The following TIMP2 variants were observed in gnomAD, a reference collection of about 807,000 sequenced individuals.
TIMP2 encodes the protein metalloproteinase inhibitor 2.
In TIMP2, 5 loss-of-function variants were observed where a neutral mutation model predicts 24.3. The ratio of observed to expected loss-of-function variants is 0.21; its 90% CI spans 0.11 to 0.43. The LOEUF (loss-of-function observed/expected upper bound fraction) is 0.43. TIMP2 is among the 20% of genes least tolerant of loss of function. TIMP2 has a pLI of 1.00. For synonymous variants in TIMP2, 130 were observed against 123.2 expected (o/e 1.06, Z -0.37); for missense variants, 221 against 297.5 (o/e 0.74, Z 1.89).
At chr17:78,892,040 G>C (rs1435372078) in intron 1 of TIMP2, 6 of 1,550,694 alleles carry the variant, frequency 3.9e-6, no homozygotes, top group Non-Finnish European at 2.6e-6. Context: ...TCGCTGGATG[G>C]GCCCCTGCGA....
chr17:78,866,936 A>T (rs558722531), intron 3 of TIMP2, among the ~76,000 whole-genome samples: 2 of 152,184 alleles, frequency 1.3e-5, no homozygotes, highest in East Asian at 3.9e-4. Flanking sequence ...GACTGTAGTG[A>T]TGGTTGCAGA....
At chr17:78,884,918 G>A (rs542188160) in intron 1 of TIMP2, among the ~76,000 whole-genome samples, 19 of 152,340 alleles carry the variant, frequency 1.2e-4, no homozygotes, top group Admixed American at 3.3e-4. Flanking sequence ...AGATTTGTGC[G>A]GAGAGAAGAT....
intron 1 of TIMP2, among the ~76,000 whole-genome samples, chr17:78,911,907 A>C (rs1365224279): frequency 5.4e-5 from 8 of 149,270 alleles, no homozygotes; most frequent in South Asian, 2.1e-4. Flanking sequence ...AAAAAAAAAA[A>C]AAAAAATTGA....
At chr17:78,856,961 C>T (rs1229552709) in intron 4 of TIMP2, 1 of 152,726 alleles carries the variant, frequency 6.5e-6, no homozygotes, top group African/African-American at 2.4e-5. Context: ...CATGCTCTTA[C>T]TCTCAAATCT....
chr17:78,906,218 A>C (rs188676428), intron 1 of TIMP2, among the ~76,000 whole-genome samples: 16 of 152,212 alleles, frequency 1.1e-4, no homozygotes, highest in Admixed American at 1.0e-3. Flanking sequence ...AAAAACTAAA[A>C]ATAGCCAGGC....
At chr17:78,905,042 A>C (rs2070145632) in intron 1 of TIMP2, 1 of 152,234 alleles carries the variant, frequency 6.6e-6, no homozygotes, top group Non-Finnish European at 1.5e-5. Context: ...CAGGAGGCTA[A>C]GGCAGGAGAA....
At chr17:78,888,451 C>A (rs538848285) in intron 1 of TIMP2, among the ~76,000 whole-genome samples, 2 of 151,224 alleles carry the variant, frequency 1.3e-5, no homozygotes, top group Non-Finnish European at 2.9e-5. Context: ...TGAGCCACCG[C>A]GTCCAGTATC....
chr17:78,891,674 C>T lies in TIMP2; in HGVS notation c.131-17755G>A, dbSNP rs767007657. 6.4e-7 allele frequency: 1 copy of T among 1,550,998 alleles called. No homozygotes were observed. Among genetic ancestry groups the T allele is most frequent in the African/African-American group, 1.4e-5 (1 of 73,038 alleles). On this transcript the variant is annotated intron_variant, in intron 1 of 4. Coordinates refer to ENST00000262768, the MANE Select transcript of TIMP2 (RefSeq NM_003255.5). This position sits in a 1 kb window ranked among gnomAD's most constrained non-coding sequence, Gnocchi z 4.5. ...TGCCCCCTTTCCCAGTTGCCTCCTC[C>T]CCGCCCGAGCTGTTCCTTTCTCTTT...
rs574535864 is a variant in TIMP2 at position 78,879,042 on chromosome 17, G to T, written c.131-5123C>A. ...ATCGGTGCACACCAGTTGGCATAGC[G>T]GGATCTGCACCGCTGACCTGCTCAG... On this transcript the variant is annotated intron_variant, in intron 1 of 4. Transcript: ENST00000262768. Among the ~76,000 whole-genome samples the T allele has an allele frequency of 3.9e-5, 6 of 152,324 alleles. No individual in the cohort carries two copies. In the East Asian group the frequency reaches 1.2e-3, roughly 29 times the overall value.
At chr17:78,923,412 A>AGGGGGGGGGGGGGGGGGGGG (rs2070324055) in intron 1 of TIMP2, among the ~76,000 whole-genome samples, 1 of 9,840 alleles carries the variant, frequency 1.0e-4, no homozygotes, top group Non-Finnish European at 2.1e-4. Context: ...GGGGGGCGGG[A>AGGGGGGGGGGGGGGGGGGGG]GGGGGAGGGG....
chr17:78,885,330 T>G (rs2069816208), intron 1 of TIMP2, among the ~76,000 whole-genome samples: 1 of 152,150 alleles, frequency 6.6e-6, no homozygotes, highest in Admixed American at 6.5e-5. Flanking sequence ...AGGTGCAAAG[T>G]GTTCGGAGCA....
intron 1 of TIMP2, among the ~76,000 whole-genome samples, chr17:78,874,754 T>C (rs2069715134): frequency 6.6e-6 from 1 of 151,516 alleles, no homozygotes. Context: ...ATTTTTTTTT[T>C]TTTTCAGACG....
At chr17:78,902,702 G>T (rs767533241) in intron 1 of TIMP2, 6 of 152,262 alleles carry the variant, frequency 3.9e-5, no homozygotes, top group Non-Finnish European at 7.3e-5. Flanking sequence ...AGCTCCCCAC[G>T]TGGGGGGCTT....
chr17:78,861,496 T>A (rs2069566848), intron 3 of TIMP2, among the ~76,000 whole-genome samples: 2 of 152,258 alleles, frequency 1.3e-5, no homozygotes, highest in Non-Finnish European at 2.9e-5. Flanking sequence ...ATGCTTCACA[T>A]TCTGCCTTTT....
intron 1 of TIMP2, chr17:78,897,086 A>T (rs2070013519): frequency 1.3e-6 from 1 of 742,872 alleles, no homozygotes; most frequent in African/African-American, 2.3e-5. Context: ...GCCAGGGCCC[A>T]CAGACAGCAC....
At position 78,865,965 on chromosome 17, in the gene TIMP2, A is replaced by G. The variant is rs116996162; in HGVS notation, c.340+4933T>C. 1.9e-3 allele frequency among the ~76,000 whole-genome samples: 294 copies of G among 152,218 alleles called. 3 individuals are homozygous for G. In the East Asian group the frequency reaches 0.039, roughly 20 times the overall value. On this transcript the variant is annotated intron_variant, in intron 3 of 4. Transcript: ENST00000262768. ...GGCAGTGTGACGAAACTGAGCTGGGACGGCTGGGACTTACTTTAAAGGCTG... is the reference window on the plus strand; with the variant it reads ...GGCAGTGTGACGAAACTGAGCTGGGGCGGCTGGGACTTACTTTAAAGGCTG...
At chr17:78,872,358 G>A (rs1429376807) in intron 2 of TIMP2, among the ~76,000 whole-genome samples, 1 of 152,050 alleles carries the variant, frequency 6.6e-6, no homozygotes, top group Non-Finnish European at 1.5e-5. Context: ...GGCACCTCAG[G>A]AATTAGGACA....
At chr17:78,860,531 G>A (rs1337748696) in intron 3 of TIMP2, among the ~76,000 whole-genome samples, 1 of 152,180 alleles carries the variant, frequency 6.6e-6, no homozygotes, top group East Asian at 1.9e-4. Context: ...CATTGTCCTG[G>A]GCACGGGGCA....
At position 78,920,957 on chromosome 17, in the gene TIMP2, A is replaced by G. The variant is rs879893069; in HGVS notation, c.130+4002T>C. Among the ~76,000 whole-genome samples the G allele has an allele frequency of 6.6e-6, 1 of 152,180 alleles. No individual in the cohort carries two copies. Among genetic ancestry groups the G allele is most frequent in the African/African-American group, 2.4e-5 (1 of 41,426 alleles). ...ACTCCATAATTGCTTGTTGAAACAC[A>G]GACAAGCCCAATATGAAAATCAAGA... is the stretch of plus-strand genomic sequence containing the variant. On this transcript the variant is annotated intron_variant, in intron 1 of 4. Transcript: ENST00000262768. The surrounding 1 kb of genome is among the most constrained non-coding windows in gnomAD (Gnocchi z 4.5).
Sources: allele counts gnomAD v4.1 joint callset (sites outside exome capture counted in the v4.1 genomes callset), GRCh38; gene constraint gnomAD v4.1.1; non-coding constraint Gnocchi (gnomAD v3.1); transcripts MANE v1.5; gene names NCBI Gene and HGNC (gene_info 2026-07-23, HGNC 2026-07-21).